Variants in HGF observed in about 807,000 individuals in gnomAD.
HGF encodes hepatocyte growth factor, also known as fibroblast-derived tumor cytotoxic factor.
A neutral mutation model predicts 111.6 loss-of-function variants in HGF; 39 were observed. The observed-to-expected ratio is 0.35, with a 90% CI of 0.27 to 0.46. The LOEUF (loss-of-function observed/expected upper bound fraction) is 0.46, where lower values mean the gene tolerates loss of function less well. HGF is among the 20% of genes least tolerant of loss of function. The pLI, the probability that HGF is intolerant of heterozygous loss-of-function variation, is 1.00. For synonymous variants in HGF, 285 were observed against 294.8 expected (o/e 0.97, Z 0.34); for missense variants, 735 against 910.5 (o/e 0.81, Z 2.48).
Position 81,746,552 on chromosome 7 carries a change from C to G in HGF, c.626-1432G>C, listed in dbSNP as rs149387372. Among the ~76,000 whole-genome samples the G allele has an allele frequency of 5.3e-3, 804 of 152,160 alleles. 6 individuals are homozygous for G. Among genetic ancestry groups the G allele is most frequent in the African/African-American group, 0.017 (724 of 41,498 alleles). On this transcript the variant is annotated intron_variant, in intron 5 of 17. Transcript: ENST00000222390. ...CAGCATTTATCGTTATTTGTTCCTT[C>G]GTGTTGGATGAAATGTACAATAGAG...
chr7:81,734,565 G>A lies in HGF; in HGVS notation c.866-4786C>T, dbSNP rs546671618. Among the ~76,000 whole-genome samples, 3 of 152,212 alleles carry A rather than the reference G, an allele frequency of 2.0e-5. No individual in the cohort carries two copies. The South Asian group carries it at 6.2e-4, about 32-fold the overall frequency. ...TTTTTTGAGACAAAGAGTATTCACT[G>A]TTGTCTAATTCTTGGTACAACCATC... On this transcript the variant is annotated intron_variant, in intron 7 of 17. Transcript: ENST00000222390.
intron 8 of HGF, among the ~76,000 whole-genome samples, chr7:81,729,316 C>G (rs961243638): frequency 6.6e-6 from 1 of 152,080 alleles, no homozygotes; most frequent in African/African-American, 2.4e-5. Context: ...CCCAGAAGAG[C>G]AAAACTGTGA....
chr7:81,711,918 A>G (rs1461238032), intron 11 of HGF, among the ~76,000 whole-genome samples: 1 of 152,234 alleles, frequency 6.6e-6, no homozygotes, highest in Non-Finnish European at 1.5e-5. Flanking sequence ...TGCTAGGATT[A>G]TAGGCATGAG....
intron 5 of HGF, 24 bp from the exon 6 acceptor site, chr7:81,745,144 G>GTTAA: frequency 6.2e-7 from 1 of 1,612,338 alleles, no homozygotes; most frequent in Non-Finnish European, 8.5e-7. Flanking sequence ...AGTATGGCAT[G>GTTAA]TTAATTGTTT....
rs563705580 is a variant in HGF, at chr7:81,702,686, A to T, written c.2082T>A (p.Gly694=). The change falls in exon 18 of 18, where the codon GGT becomes GGA. Residue 694 remains glycine, a synonymous_variant. Coordinates refer to ENST00000222390, the MANE Select transcript of HGF (RefSeq NM_000601.6). The stretch of plus-strand genomic sequence containing the variant: ...GACGATTTGGAATGGCACATCCACG[A>T]CCAGGAACAATGACACCAAGAACCA... ...MRMVLGVIVP[G]RGCAIPNRPG... The T allele has an allele frequency of 1.1e-5, 18 of 1,611,876 alleles. No homozygotes were observed. In the South Asian group the frequency reaches 1.9e-4, roughly 17 times the overall value.
At chr7:81,706,735 C>A (rs1326968810) in intron 14 of HGF, among the ~76,000 whole-genome samples, 1 of 151,880 alleles carries the variant, frequency 6.6e-6, no homozygotes, top group African/African-American at 2.4e-5. Context: ...ATTTTTTCTG[C>A]AAATTTTGCT....
Position 81,707,353 on chromosome 7 carries a change from A to T in HGF, c.1553T>A (p.Ile518Asn). 1 of 1,592,268 alleles carries T rather than the reference A, an allele frequency of 6.3e-7. No individual in the cohort carries two copies. Among genetic ancestry groups the T allele is most frequent in the Non-Finnish European group, 8.6e-7 (1 of 1,160,624 alleles). ...MVSLRYRNKHICGGSLIKESW... is the reference protein window; with the variant it reads ...MVSLRYRNKHNCGGSLIKESW... Reference sequence around the variant, plus strand: ...CTCCTTTATCAATGATCCTCCGCAGATATGTTTATTTCTGTGAAAAAGAGG... The same window carrying T: ...CTCCTTTATCAATGATCCTCCGCAGTTATGTTTATTTCTGTGAAAAAGAGG... Residue 518 changes from isoleucine (I) to asparagine (N), a missense_variant, in exon 14 of 18, where the codon ATC (isoleucine) becomes AAC (asparagine). Around this residue, in one of 3 missense-constraint regions of HGF, gnomAD observed 553 missense variants for 685.6 expected, o/e 0.81. Coordinates refer to ENST00000222390, the MANE Select transcript of HGF (RefSeq NM_000601.6).
At chr7:81,732,256 T>C (rs935655064) in intron 7 of HGF, among the ~76,000 whole-genome samples, 2 of 152,144 alleles carry the variant, frequency 1.3e-5, no homozygotes, top group Non-Finnish European at 2.9e-5. Flanking sequence ...ATTTGCCAGA[T>C]ACCAATCAAG....
intron 9 of HGF, 29 bp downstream of exon 9, chr7:81,725,861 T>C: frequency 6.2e-7 from 1 of 1,613,588 alleles, no homozygotes. Context: ...AATTTAATCA[T>C]GCCCACCCTG....
At chr7:81,732,075 G>T (rs999723510) in intron 7 of HGF, among the ~76,000 whole-genome samples, 1 of 152,086 alleles carries the variant, frequency 6.6e-6, no homozygotes, top group Non-Finnish European at 1.5e-5. Flanking sequence ...TTCTTCTCAA[G>T]CACTACTCTT....
chr7:81,757,447 T>A (rs1313352536), intron 3 of HGF, 144 bp from the exon 4 acceptor site: 1 of 636,076 alleles, frequency 1.6e-6, no homozygotes, highest in Non-Finnish European at 2.8e-6. Context: ...AAGCTTCTAC[T>A]AGTATTTTCA....
At chr7:81,748,983 G>C (rs1788385390) in intron 5 of HGF, among the ~76,000 whole-genome samples, 1 of 152,122 alleles carries the variant, frequency 6.6e-6, no homozygotes, top group Admixed American at 6.5e-5. Flanking sequence ...TTTAATTAGT[G>C]TTTGTTTTAT....
chr7:81,711,202 C>A (rs557693179), intron 12 of HGF, among the ~76,000 whole-genome samples: 6 of 152,176 alleles, frequency 3.9e-5, no homozygotes, highest in South Asian at 4.2e-4. Flanking sequence ...CATTGTGCCC[C>A]AAATTAAAAG....
intron 5 of HGF, among the ~76,000 whole-genome samples, chr7:81,746,281 T>G (rs911511755): frequency 4.6e-5 from 7 of 152,210 alleles, no homozygotes; most frequent in African/African-American, 1.7e-4. Flanking sequence ...AGAGGCCAAC[T>G]CGGCTTCCCT....
In HGF at chr7:81,701,383, T is replaced by C. The variant is rs907920849; in HGVS notation, c.*1198A>G. ...CTTTATTAGGCTAAAATCTTCCAGG[T>C]TGAGAAAAGTATTTTTATTTTTTTC... On this transcript the variant is annotated 3_prime_UTR_variant, in exon 18 of 18. Transcript: ENST00000222390. The C allele has an allele frequency of 6.6e-6, 1 of 151,568 alleles. No homozygotes were observed. Among genetic ancestry groups the C allele is most frequent in the African/African-American group, 2.4e-5 (1 of 41,408 alleles). 9.4% of individuals were successfully genotyped at this position (151,568 alleles called of 1,614,324 possible).
intron 5 of HGF, among the ~76,000 whole-genome samples, chr7:81,749,359 A>G (rs956056584): frequency 6.6e-6 from 1 of 152,166 alleles, no homozygotes; most frequent in Non-Finnish European, 1.5e-5. Context: ...AGCAAACGCT[A>G]AAGCAAGAAA....
At position 81,707,816 on chromosome 7, in the gene HGF, T is replaced by G. The variant is rs142164715; in HGVS notation, c.1542-452A>C. On this transcript the variant is annotated intron_variant, in intron 13 of 17. Coordinates refer to ENST00000222390, the MANE Select transcript of HGF (RefSeq NM_000601.6). ...CTGAAAACCATCTAGTGGTAGCAAT[T>G]TTATTCGTGCACTATTTCCTTCTTC... is the stretch of plus-strand genomic sequence containing the variant. Among the ~76,000 whole-genome samples the G allele has an allele frequency of 2.6e-4, 39 of 152,260 alleles. No individual in the cohort carries two copies. The East Asian group carries it at 7.5e-3, about 29-fold the overall frequency.
At chr7:81,732,064 A>T (rs1787678459) in intron 7 of HGF, among the ~76,000 whole-genome samples, 1 of 152,148 alleles carries the variant, frequency 6.6e-6, no homozygotes, top group African/African-American at 2.4e-5. Context: ...CTACTGAGCC[A>T]TTCTTCTCAA....
At chr7:81,736,933 T>TGTGTGTGG in intron 7 of HGF, among the ~76,000 whole-genome samples, 1 of 50,254 alleles carries the variant, frequency 2.0e-5, no homozygotes, top group Non-Finnish European at 4.1e-5. Flanking sequence ...GTGTGTGGTG[T>TGTGTGTGG]TCTATAGATG....
Sources: allele counts gnomAD v4.1 joint callset (sites outside exome capture counted in the v4.1 genomes callset), GRCh38; gene constraint gnomAD v4.1.1; regional missense constraint gnomAD v4.1.1; transcripts MANE v1.5; gene names NCBI Gene and HGNC (gene_info 2026-07-23, HGNC 2026-07-21).